The following VGLL4 variants were observed in gnomAD, a reference collection of about 807,000 sequenced individuals.
The protein encoded by VGLL4 is vestigial like family member 4, also known as transcription cofactor vestigial-like protein 4.
A neutral mutation model predicts 21.0 loss-of-function variants in VGLL4; 7 were observed. The ratio of observed to expected loss-of-function variants is 0.33; its 90% CI spans 0.19 to 0.63. The LOEUF is 0.63. VGLL4 is among the 20% of genes least tolerant of loss of function. The pLI, the probability that VGLL4 is intolerant of heterozygous loss-of-function variation, is 0.78. For missense variants in VGLL4, 394 were observed against 425.7 expected (o/e 0.93, Z 0.66); for synonymous variants, 222 against 173.2 (o/e 1.28, Z -2.21).
At chr3:11,578,615 T>G (rs898703097) in intron 2 of VGLL4, among the ~76,000 whole-genome samples, 1 of 150,642 alleles carries the variant, frequency 6.6e-6, no homozygotes, top group Non-Finnish European at 1.5e-5. Flanking sequence ...AAAAAAGTAA[T>G]AATAATAAAT....
chr3:11,566,442 T>G (rs1031319083), intron 2 of VGLL4, among the ~76,000 whole-genome samples: 24 of 152,340 alleles, frequency 1.6e-4, no homozygotes, highest in Non-Finnish European at 2.4e-4. Context: ...TTGTATCCAT[T>G]CCAGAGCAAT....
At chr3:11,701,939 G>A (rs1254410021) in intron 2 of VGLL4, among the ~76,000 whole-genome samples, 2 of 152,156 alleles carry the variant, frequency 1.3e-5, no homozygotes, top group South Asian at 2.1e-4. Flanking sequence ...TAAATATATT[G>A]TTGGGTGAGC....
At chr3:11,606,337 A>G (rs554274428) in intron 1 of VGLL4, among the ~76,000 whole-genome samples, 73 of 152,328 alleles carry the variant, frequency 4.8e-4, no homozygotes, top group African/African-American at 1.6e-3. Context: ...CAGATGTCCA[A>G]CATCGTCAGC....
At chr3:11,570,223 G>A (rs2073720622) in intron 2 of VGLL4, among the ~76,000 whole-genome samples, 1 of 151,946 alleles carries the variant, frequency 6.6e-6, no homozygotes. Flanking sequence ...GCTCAGGGTC[G>A]TCACACCAGG....
Position 11,558,487 on chromosome 3 carries a change from TTA to T in VGLL4, c.*67_*68del. The T allele has an allele frequency of 6.6e-7, 1 of 1,507,268 alleles. No individual in the cohort carries two copies. The highest frequency in any genetic ancestry group is 1.3e-5 in the South Asian group (1 of 78,566). The allele number at this position is 1,507,268 out of a possible 1,614,324, so 93.4% of individuals were successfully genotyped here. A position where few individuals can be genotyped will look rare whatever the true frequency, so the allele number is the denominator to read the frequency against. On this transcript the variant is annotated 3_prime_UTR_variant, in exon 5 of 5. Coordinates refer to ENST00000430365, the MANE Select transcript of VGLL4 (RefSeq NM_001128219.3). ...CCCCACCCCCATGATTTTTTTTTTT[TTA>T]AGTACTGACTGTTCAAAGCTCAGGC...
At chr3:11,700,228 G>T (rs926638585) in intron 2 of VGLL4, among the ~76,000 whole-genome samples, 1 of 152,132 alleles carries the variant, frequency 6.6e-6, no homozygotes, top group Non-Finnish European at 1.5e-5. Context: ...ATCAAAAGAG[G>T]AGACAAGAAA....
At chr3:11,618,361 G>C (rs1473289103) in intron 1 of VGLL4, among the ~76,000 whole-genome samples, 1 of 152,154 alleles carries the variant, frequency 6.6e-6, no homozygotes, top group African/African-American at 2.4e-5. Context: ...TATTAGAACT[G>C]AAGTCAAAAG....
rs2574717 is a variant in VGLL4, at chr3:11,619,806, G to A, written c.83-17784C>T. ...CTCTAGGCAGCAAAGATGTTACATT[G>A]TAAGAGGCCTCAAGGCATTAACTCG... On this transcript the variant is annotated intron_variant, in intron 1 of 4. Transcript: ENST00000430365. Among the ~76,000 whole-genome samples, 3 of 151,960 alleles carry A rather than the reference G, an allele frequency of 2.0e-5. No individual in the cohort carries two copies. The South Asian group carries it at 6.2e-4, about 31-fold the overall frequency.
rs1409226377 is a variant in VGLL4 at position 11,653,910 on chromosome 3, C to A, written c.64+49061G>T. ...GTAGCAGGCAGAGGGATAGAATTCACCCGAGACAACACAGAGGGAAGGGCC... is the reference window on the plus strand; with the variant it reads ...GTAGCAGGCAGAGGGATAGAATTCAACCGAGACAACACAGAGGGAAGGGCC... On this transcript the variant is annotated intron_variant, in intron 2 of 5. Coordinates refer to the VGLL4 transcript ENST00000273038. This position sits in a 1 kb window ranked among gnomAD's most constrained non-coding sequence, Gnocchi z 4.2. 6.6e-6 allele frequency among the ~76,000 whole-genome samples: 1 copy of A among 152,036 alleles called. No individual in the cohort carries two copies. The highest frequency in any genetic ancestry group is 1.5e-5 in the Non-Finnish European group (1 of 68,012).
intron 2 of VGLL4, among the ~76,000 whole-genome samples, chr3:11,569,486 C>T (rs1011178489): frequency 1.3e-5 from 2 of 152,232 alleles, no homozygotes; most frequent in Non-Finnish European, 2.9e-5. Flanking sequence ...CCATGCCAGG[C>T]GTTGCCTGGC....
intron 2 of VGLL4, among the ~76,000 whole-genome samples, chr3:11,667,240 G>A (rs560439006): frequency 2.6e-5 from 4 of 152,338 alleles, no homozygotes; most frequent in East Asian, 3.9e-4. Flanking sequence ...CTAAAGCCAG[G>A]GGCTTATGAC....
At chr3:11,710,238 G>A (rs980865916) in intron 1 of VGLL4, among the ~76,000 whole-genome samples, 5 of 152,176 alleles carry the variant, frequency 3.3e-5, no homozygotes, top group African/African-American at 1.2e-4. Flanking sequence ...AACATTTGGA[G>A]GGGACAAACA....
At chr3:11,707,503 A>G (rs1170297838) in intron 1 of VGLL4, among the ~76,000 whole-genome samples, 2 of 151,750 alleles carry the variant, frequency 1.3e-5, no homozygotes, top group Admixed American at 1.3e-4. Context: ...AGCATTATCT[A>G]GCCATGGAAG....
At chr3:11,681,145 T>C (rs983291564) in intron 2 of VGLL4, among the ~76,000 whole-genome samples, 10 of 152,250 alleles carry the variant, frequency 6.6e-5, no homozygotes, top group Non-Finnish European at 1.3e-4. Context: ...CCGCCCAGGC[T>C]GGAGTGCAGT....
chr3:11,672,583 C>G (rs777745285), intron 2 of VGLL4, among the ~76,000 whole-genome samples: 1 of 152,212 alleles, frequency 6.6e-6, no homozygotes, highest in Non-Finnish European at 1.5e-5. Flanking sequence ...ATGACATACT[C>G]ATCCTGAGCT....
In VGLL4 at chr3:11,556,132, C is replaced by CCAAACCTTTTT. The variant is rs2072379963; in HGVS notation, c.*2413_*2423dup. 1 of 152,634 alleles carries CCAAACCTTTTT rather than the reference C, an allele frequency of 6.6e-6. No individual in the cohort carries two copies. The highest frequency in any genetic ancestry group is 1.9e-4 in the East Asian group (1 of 5,330). 9.5% of individuals were successfully genotyped at this position (152,634 alleles called of 1,614,324 possible). A position where few individuals can be genotyped will look rare whatever the true frequency, so the allele number is the denominator to read the frequency against. ...TTTAAGTACAAAAAAAGATGGCCTG[C>CCAAACCTTTTT]CAAACCTTTTTTTTTCTTCTTCCAG... On this transcript the variant is annotated 3_prime_UTR_variant, in exon 5 of 5. Transcript: ENST00000430365.
At chr3:11,709,786 G>A (rs1043178378) in intron 1 of VGLL4, among the ~76,000 whole-genome samples, 5 of 152,172 alleles carry the variant, frequency 3.3e-5, no homozygotes, top group Non-Finnish European at 1.5e-5. Flanking sequence ...AAATCTGACA[G>A]CCATTTTTTG....
chr3:11,582,437 G>A, intron 2 of VGLL4: 1 of 1,458,038 alleles, frequency 6.9e-7, no homozygotes, highest in Non-Finnish European at 9.3e-7. Context: ...AAGGAGGGTT[G>A]CGAGGTAAGG....
At chr3:11,683,212 TA>T (rs34156314) in intron 2 of VGLL4, among the ~76,000 whole-genome samples, 79,530 of 151,632 alleles carry the variant, frequency 0.52, 21,981 homozygotes, top group Non-Finnish European at 0.63. Flanking sequence ...CTCAAAAAAA[TA>T]AAAACAAACC....
Sources: allele counts gnomAD v4.1 joint callset (sites outside exome capture counted in the v4.1 genomes callset), GRCh38; gene constraint gnomAD v4.1.1; non-coding constraint Gnocchi (gnomAD v3.1); transcripts MANE v1.5; gene names NCBI Gene and HGNC (gene_info 2026-07-23, HGNC 2026-07-21).